Variants in SCAMP5 observed in about 807,000 individuals in gnomAD.
SCAMP5 encodes the protein secretory carrier-associated membrane protein 5.
Under a neutral mutation model 28.3 loss-of-function variants are expected in SCAMP5, and 7 were observed. The observed-to-expected ratio is 0.25, with a 90% CI of 0.14 to 0.46. SCAMP5 has a LOEUF of 0.46. Among genes scored for constraint, SCAMP5 ranks in the 20% least tolerant of loss-of-function variants. The probability of loss-of-function intolerance (pLI) is 0.99; values close to 1 mark genes in which losing one functional copy is unlikely to be tolerated. For missense variants in SCAMP5, 192 were observed against 312.5 expected (o/e 0.61, Z 2.91); for synonymous variants, 117 against 116.4 (o/e 1.00, Z -0.03).
chr15:75,006,953 G>A (rs2065766742), intron 1 of SCAMP5, among the ~76,000 whole-genome samples: 1 of 151,972 alleles, frequency 6.6e-6, no homozygotes, highest in Admixed American at 6.6e-5. Flanking sequence ...AGAAAAAAAA[G>A]AGAGAAAAAA....
Position 75,021,423 on chromosome 15 carries a change from G to A in SCAMP5, c.*2440G>A, listed in dbSNP as rs891903767. On this transcript the variant is annotated 3_prime_UTR_variant, in exon 7 of 7. Transcript: ENST00000425597. ...GCTGGATGTTCCCCAGCTGGCAGTT[G>A]AGCTGCCTGAGCCAATGTGTCTGTC... is the stretch of plus-strand genomic sequence containing the variant. 6.6e-6 allele frequency: 1 copy of A among 152,354 alleles called. No individual in the cohort carries two copies. The highest frequency in any genetic ancestry group is 1.5e-5 in the Non-Finnish European group (1 of 68,142). The allele number at this position is 152,354 out of a possible 1,614,324, so 9.4% of individuals were successfully genotyped here.
chr15:75,011,348 G>A (rs2065809706), intron 1 of SCAMP5, among the ~76,000 whole-genome samples: 2 of 152,182 alleles, frequency 1.3e-5, no homozygotes, highest in African/African-American at 4.8e-5. Flanking sequence ...ACTGTTTCAT[G>A]GGGAGAGCAG....
chr15:74,997,437 G>C (rs1252876414), intron 1 of SCAMP5: 1 of 152,252 alleles, frequency 6.6e-6, no homozygotes. Flanking sequence ...TCTGTGCTGG[G>C]TCCCTCCTGG....
intron 1 of SCAMP5, among the ~76,000 whole-genome samples, chr15:75,001,191 G>A (rs1595880449): frequency 6.8e-6 from 1 of 146,658 alleles, no homozygotes; most frequent in East Asian, 2.1e-4. Flanking sequence ...GGAGAATGGC[G>A]TGAACCCGGG....
In SCAMP5 at chr15:75,016,643, A is replaced by C. The variant is rs760081166; in HGVS notation, c.187A>C (p.Ile63Leu). 2.5e-6 allele frequency: 4 copies of C among 1,613,642 alleles called. No homozygotes were observed. The highest frequency in any genetic ancestry group is 1.7e-5 in the Admixed American group (1 of 59,990). ...CCTGGTGGGCTGTCTCGCGTGGCTGATCGGAGGCGGGGGAGCCACCAACTT... is the reference window on the plus strand; with the variant it reads ...CCTGGTGGGCTGTCTCGCGTGGCTGCTCGGAGGCGGGGGAGCCACCAACTT... ...VNLVGCLAWL[I>L]GGGGATNFGL... The change falls in exon 4 of 7, where the codon ATC (isoleucine) becomes CTC (leucine). Residue 63 changes from isoleucine to leucine, a missense_variant. Ile to Leu is a conservative substitution (Grantham distance 5). Coordinates refer to ENST00000425597, the MANE Select transcript of SCAMP5 (RefSeq NM_138967.4).
rs1469549889 is a variant in SCAMP5 at position 74,995,598 on chromosome 15, T to C, written c.-124T>C. On this transcript the variant is annotated 5_prime_UTR_variant, in exon 1 of 7. Coordinates refer to ENST00000425597, the MANE Select transcript of SCAMP5 (RefSeq NM_138967.4). ...AGCCCCGGAGCGGCTCGCGGCCGGC[T>C]CCGCGCCGCATCGCTCGGGTGCAGC... 3 of 142,748 alleles carry C rather than the reference T, an allele frequency of 2.1e-5. No individual in the cohort carries two copies. Among genetic ancestry groups the C allele is most frequent in the Non-Finnish European group, 3.1e-5 (2 of 65,120 alleles). The allele number at this position is 142,748 out of a possible 1,614,324, so 8.8% of individuals were successfully genotyped here. A position where few individuals can be genotyped will look rare whatever the true frequency, so the allele number is the denominator to read the frequency against.
chr15:75,016,461 G>A (rs747311718), intron 3 of SCAMP5, 132 bp from the exon 4 acceptor site: 3 of 751,746 alleles, frequency 4.0e-6, no homozygotes, highest in Admixed American at 2.5e-5. Context: ...GCTTGTCTGC[G>A]CTGTTGGCCT....
In SCAMP5 at chr15:75,018,651, A is replaced by G; in HGVS notation, c.513+116A>G. ...GGTCTTCCAAGGGACTCACTCTGGAATGGCCTGCAGGACTCTCCTACAGAG... is the reference window on the plus strand; with the variant it reads ...GGTCTTCCAAGGGACTCACTCTGGAGTGGCCTGCAGGACTCTCCTACAGAG... On this transcript the variant is annotated intron_variant, in intron 6 of 6. Transcript: ENST00000425597. The surrounding 1 kb of genome is among the most constrained non-coding windows in gnomAD (Gnocchi z 5.6). 1 of 1,029,044 alleles carries G rather than the reference A, an allele frequency of 9.7e-7. No individual in the cohort carries two copies. The highest frequency in any genetic ancestry group is 1.5e-6 in the Non-Finnish European group (1 of 649,420). 63.7% of individuals were successfully genotyped at this position (1,029,044 alleles called of 1,614,324 possible).
At chr15:75,003,913 T>G (rs2065732137) in intron 1 of SCAMP5, among the ~76,000 whole-genome samples, 1 of 152,098 alleles carries the variant, frequency 6.6e-6, no homozygotes, top group Admixed American at 6.6e-5. Context: ...TTTTACTTTT[T>G]TTTTTTTTGA....
In SCAMP5 at chr15:75,018,440, T is replaced by A; in HGVS notation, c.418T>A (p.Phe140Ile). The change falls in exon 6 of 7, where the codon TTC becomes ATC. Residue 140 changes from phenylalanine to isoleucine, a missense_variant. Coordinates refer to ENST00000425597, the MANE Select transcript of SCAMP5 (RefSeq NM_138967.4). This position sits in a 1 kb window ranked among gnomAD's most constrained non-coding sequence, Gnocchi z 5.6. ...GVCGWIATISFFGTNIGSAVV... is the reference protein window; with the variant it reads ...GVCGWIATISIFGTNIGSAVV... ...CAGCGGCTGGATTGCTACCATCTCCTTCTTCGGAACGAACATTGGCTCGGC... is the reference window on the plus strand; with the variant it reads ...CAGCGGCTGGATTGCTACCATCTCCATCTTCGGAACGAACATTGGCTCGGC... 6.2e-7 allele frequency: 1 copy of A among 1,613,652 alleles called. No homozygotes were observed. The highest frequency in any genetic ancestry group is 8.5e-7 in the Non-Finnish European group (1 of 1,179,562).
At position 75,017,865 on chromosome 15, in the gene SCAMP5, C is replaced by T. The variant is rs752403799; in HGVS notation, c.294-5C>T. 1.6e-5 allele frequency: 26 copies of T among 1,607,626 alleles called. No homozygotes were observed. The highest frequency in any genetic ancestry group is 6.7e-5 in the East Asian group (3 of 44,876). On this transcript the variant is annotated splice_region_variant and splice_polypyrimidine_tract_variant and intron_variant, in intron 4 of 6. Coordinates refer to ENST00000425597, the MANE Select transcript of SCAMP5 (RefSeq NM_138967.4). The stretch of plus-strand genomic sequence containing the variant: ...AGGTGACGGGAGCCACCTCCTCTGC[C>T]GCAGGACTGACAGCTCCTTCAGTTT...
intron 3 of SCAMP5, 97 bp from the exon 4 acceptor site, chr15:75,016,496 G>A (rs4886648): frequency 0.39 from 439,066 of 1,138,818 alleles, 95,525 homozygotes; most frequent in Non-Finnish European, 0.46. Flanking sequence ...TCTCTGTTGC[G>A]TTACTGGTGT....
chr15:75,018,377 T>G lies in SCAMP5; in HGVS notation c.396-41T>G, dbSNP rs1214249530. 2.2e-6 allele frequency: 3 copies of G among 1,343,306 alleles called. No homozygotes were observed. The highest frequency in any genetic ancestry group is 3.2e-6 in the Non-Finnish European group (3 of 932,944). 83.2% of individuals were successfully genotyped at this position (1,343,306 alleles called of 1,614,324 possible). On this transcript the variant is annotated intron_variant, in intron 5 of 6. Coordinates refer to ENST00000425597, the MANE Select transcript of SCAMP5 (RefSeq NM_138967.4). This position sits in a 1 kb window ranked among gnomAD's most constrained non-coding sequence, Gnocchi z 5.6. ...CTCTAGCGGGGGGCTCCTGGGCACC[T>G]CTTATCCTGCCCGCAGCCCCACACT...
Position 74,997,490 on chromosome 15 carries a change from G to A in SCAMP5, c.-49+1817G>A, listed in dbSNP as rs185872249. ...GAGTGAGGAGATTATGGGAGAAGAC[G>A]TGAACACTTAGTGCCCAATGACTGA... On this transcript the variant is annotated intron_variant, in intron 1 of 6. Transcript: ENST00000425597. 5.6e-3 allele frequency among the ~76,000 whole-genome samples: 855 copies of A among 152,332 alleles called. 7 individuals are homozygous for A. Among genetic ancestry groups the A allele is most frequent in the African/African-American group, 0.019 (793 of 41,566 alleles).
At chr15:75,009,686 G>C (rs1432753555) in intron 1 of SCAMP5, among the ~76,000 whole-genome samples, 1 of 152,058 alleles carries the variant, frequency 6.6e-6, no homozygotes, top group Non-Finnish European at 1.5e-5. Context: ...GTGTTGGCCA[G>C]ACTGGTCTTG....
Position 75,002,573 on chromosome 15 carries a change from C to T in SCAMP5, c.-49+6900C>T, listed in dbSNP as rs534847060. On this transcript the variant is annotated intron_variant, in intron 1 of 6. Transcript: ENST00000425597. Reference sequence around the variant, plus strand: ...GACTCGATGCTGTTAGTGTCATGAACGCGTTAGTCCCGGTAGTGCCATCCT... The same window carrying T: ...GACTCGATGCTGTTAGTGTCATGAATGCGTTAGTCCCGGTAGTGCCATCCT... Among the ~76,000 whole-genome samples, 6 of 152,006 alleles carry T rather than the reference C, an allele frequency of 3.9e-5. No homozygotes were observed. The South Asian group carries it at 8.3e-4, about 21-fold the overall frequency.
chr15:75,006,439 G>A (rs2065760195), intron 1 of SCAMP5, among the ~76,000 whole-genome samples: 1 of 149,682 alleles, frequency 6.7e-6, no homozygotes, highest in Non-Finnish European at 1.5e-5. Context: ...GATGGCTTGA[G>A]GCCAGGAGTT....
In SCAMP5 at chr15:74,996,671, C is replaced by T. The variant is rs2065657283; in HGVS notation, c.-49+998C>T. 6.6e-6 allele frequency among the ~76,000 whole-genome samples: 1 copy of T among 152,180 alleles called. No homozygotes were observed. The highest frequency in any genetic ancestry group is 1.5e-5 in the Non-Finnish European group (1 of 68,038). On this transcript the variant is annotated intron_variant, in intron 1 of 6. Coordinates refer to ENST00000425597, the MANE Select transcript of SCAMP5 (RefSeq NM_138967.4). This position sits in a 1 kb window ranked among gnomAD's most constrained non-coding sequence, Gnocchi z 4.1. ...GCCTGGGAGCTCAGCCATGTGACTG[C>T]CCATGGGGTGGTGGAGTCTGGAGAA...
intron 4 of SCAMP5, 131 bp from the exon 5 acceptor site, chr15:75,017,739 G>T: frequency 1.4e-6 from 1 of 717,208 alleles, no homozygotes; most frequent in Non-Finnish European, 2.5e-6. Context: ...AACCCCTTCT[G>T]ACCTCTCAAT....
Sources: allele counts gnomAD v4.1 joint callset (sites outside exome capture counted in the v4.1 genomes callset), GRCh38; gene constraint gnomAD v4.1.1; non-coding constraint Gnocchi (gnomAD v3.1); transcripts MANE v1.5; gene names NCBI Gene and HGNC (gene_info 2026-07-23, HGNC 2026-07-21).